The following RHOBTB1 variants were observed in gnomAD, a reference collection of about 807,000 sequenced individuals.
RHOBTB1 encodes the protein Rho related BTB domain containing 1.
RHOBTB1 carries 40 observed loss-of-function variants against 71.6 expected under a neutral mutation model. That is an observed-to-expected ratio of 0.56 (90% CI 0.43 to 0.73). RHOBTB1 has a LOEUF of 0.73. Among genes scored for constraint, RHOBTB1 ranks in the 30% least tolerant of loss-of-function variants. The pLI is 0.00. For synonymous variants in RHOBTB1, 319 were observed against 334.9 expected (o/e 0.95, Z 0.52); for missense variants, 797 against 894.0 (o/e 0.89, Z 1.38).
chr10:60,998,474 T>C lies in RHOBTB1; in HGVS notation c.-163+2925A>G, dbSNP rs537396838. On this transcript the variant is annotated intron_variant, in intron 1 of 11. Coordinates refer to the RHOBTB1 transcript ENST00000357917. ...AAACAACAGTCATATTAAACAAATA[T>C]AAATAAGAGACTTCGGTTTGTAATC... is the stretch of plus-strand genomic sequence containing the variant. Among the ~76,000 whole-genome samples, 24 of 152,192 alleles carry C rather than the reference T, an allele frequency of 1.6e-4. No homozygotes were observed. In the South Asian group the frequency reaches 3.1e-3, roughly 20 times the overall value.
intron 4 of RHOBTB1, among the ~76,000 whole-genome samples, chr10:60,903,718 G>A (rs2082524983): frequency 6.6e-6 from 1 of 152,046 alleles, no homozygotes; most frequent in Non-Finnish European, 1.5e-5. Flanking sequence ...GAGGCAGGGG[G>A]GGTTCTATCT....
chr10:60,906,156 T>C (rs1247667564), intron 4 of RHOBTB1, among the ~76,000 whole-genome samples: 1 of 152,212 alleles, frequency 6.6e-6, no homozygotes, highest in East Asian at 1.9e-4. Flanking sequence ...CAGAAATTGC[T>C]GGGGATAAGG....
At chr10:60,946,191 AC>A (rs1414233654), upstream of RHOBTB1, among the ~76,000 whole-genome samples, 1 of 147,566 alleles carries the variant, frequency 6.8e-6, no homozygotes, top group Non-Finnish European at 1.5e-5. Flanking sequence ...AAAAAAAAAA[AC>A]AAAAAACTGA....
chr10:60,994,663 T>A (rs142654923), intron 1 of RHOBTB1, among the ~76,000 whole-genome samples: 3 of 152,134 alleles, frequency 2.0e-5, no homozygotes, highest in African/African-American at 7.2e-5. Flanking sequence ...ATACATTAAA[T>A]TCATTCAATA....
chr10:60,874,925 T>TA (rs1554827877), intron 9 of RHOBTB1, 29 bp downstream of exon 9: 5 of 1,477,992 alleles, frequency 3.4e-6, no homozygotes, highest in Middle Eastern at 1.7e-4. Flanking sequence ...TGAACACACT[T>TA]AAAAGGTAAA....
chr10:60,909,120 T>C (rs545360661), intron 4 of RHOBTB1, among the ~76,000 whole-genome samples: 109 of 152,330 alleles, frequency 7.2e-4, no homozygotes, highest in African/African-American at 2.5e-3. Flanking sequence ...TATTGTAAAA[T>C]GACTCCAGCT....
At chr10:60,976,038 C>T (rs1412880913) in intron 2 of RHOBTB1, among the ~76,000 whole-genome samples, 2 of 151,912 alleles carry the variant, frequency 1.3e-5, no homozygotes, top group Non-Finnish European at 2.9e-5. Context: ...TAGGTAAGGA[C>T]AAGAAATTCT....
At chr10:60,971,747 G>A (rs1303046845) in intron 2 of RHOBTB1, among the ~76,000 whole-genome samples, 11 of 152,146 alleles carry the variant, frequency 7.2e-5, no homozygotes, top group Admixed American at 7.2e-4. Flanking sequence ...TATCAACAGA[G>A]TGAGCAGGCA....
At chr10:60,997,806 G>A (rs921952369) in intron 1 of RHOBTB1, among the ~76,000 whole-genome samples, 1 of 152,328 alleles carries the variant, frequency 6.6e-6, no homozygotes, top group Middle Eastern at 3.4e-3. Flanking sequence ...CTCAGGATTG[G>A]TCTGGGCAAC....
upstream of RHOBTB1, among the ~76,000 whole-genome samples, chr10:60,944,650 C>T (rs2085138373): frequency 6.6e-6 from 1 of 152,206 alleles, no homozygotes; most frequent in South Asian, 2.1e-4. Flanking sequence ...GGCCACTAAC[C>T]GGCTGGGCAG....
At chr10:60,866,067 AGTGATATGACT>A (rs1387256685), downstream of RHOBTB1, among the ~76,000 whole-genome samples, 1 of 152,166 alleles carries the variant, frequency 6.6e-6, no homozygotes, top group East Asian at 1.9e-4. Flanking sequence ...CCTGACCTCA[AGTGATATGACT>A]GCCTTGGTCT....
chr10:60,871,740 C>T (rs2132157607), intron 10 of RHOBTB1, 89 bp from the exon 11 acceptor site: 2 of 1,279,122 alleles, frequency 1.6e-6, no homozygotes, highest in Non-Finnish European at 2.2e-6. Context: ...TCTCAAATAT[C>T]CTCTCAAAAA....
downstream of RHOBTB1, among the ~76,000 whole-genome samples, chr10:60,866,231 G>A (rs2080635026): frequency 6.6e-6 from 1 of 152,192 alleles, no homozygotes; most frequent in Admixed American, 6.5e-5. Flanking sequence ...CCGGTGGAAT[G>A]GAGGAACCAC....
Position 60,911,343 on chromosome 10 carries a change from C to T in RHOBTB1, c.192+8G>A, listed in dbSNP as rs2082959698. ...CTAGGGATGCTGAAGACACTCTGTG[C>T]ATCTTACCTCCTGGCACACGCGGTA... On this transcript the variant is annotated splice_region_variant and intron_variant, in intron 3 of 10. Transcript: ENST00000337910. 1 of 1,602,402 alleles carries T rather than the reference C, an allele frequency of 6.2e-7. No individual in the cohort carries two copies. The highest frequency in any genetic ancestry group is 1.7e-5 in the Admixed American group (1 of 59,766).
At chr10:60,991,844 C>T (rs2086882719) in intron 1 of RHOBTB1, among the ~76,000 whole-genome samples, 1 of 152,140 alleles carries the variant, frequency 6.6e-6, no homozygotes, top group Middle Eastern at 3.2e-3. Flanking sequence ...ATTTGGATCT[C>T]ATTTTACAGA....
At chr10:60,933,786 TA>T (rs1006506287) in intron 2 of RHOBTB1, among the ~76,000 whole-genome samples, 143 of 151,492 alleles carry the variant, frequency 9.4e-4, no homozygotes, top group African/African-American at 2.8e-3. Flanking sequence ...GGAGATGGAT[TA>T]AAAAAAAACT....
Position 60,885,140 on chromosome 10 carries a change from T to G in RHOBTB1, c.1575+972A>C, listed in dbSNP as rs10994560. Among the ~76,000 whole-genome samples the G allele has an allele frequency of 6.5e-3, 987 of 152,306 alleles. 9 individuals carry two copies. The highest frequency in any genetic ancestry group is 0.023 in the African/African-American group (939 of 41,572). The stretch of plus-strand genomic sequence containing the variant: ...ATGGTGACTATGGTGGACAATAATG[T>G]ATCGTATATTTCAAAATAGCTAAAA... On this transcript the variant is annotated intron_variant, in intron 7 of 10. Coordinates refer to ENST00000337910, the MANE Select transcript of RHOBTB1 (RefSeq NM_014836.5).
intron 4 of RHOBTB1, among the ~76,000 whole-genome samples, chr10:60,894,401 T>C (rs2082064859): frequency 6.6e-6 from 1 of 152,094 alleles, no homozygotes; most frequent in South Asian, 2.1e-4. Flanking sequence ...TGAATAAAGA[T>C]ATCAAGATTT....
intron 2 of RHOBTB1, among the ~76,000 whole-genome samples, chr10:60,920,977 G>C (rs1049340947): frequency 6.9e-6 from 1 of 144,662 alleles, no homozygotes; most frequent in Admixed American, 7.1e-5. Context: ...TTATGAGACA[G>C]TGTCTCGCCT....
Sources: gnomAD v4.1 joint callset for allele counts (sites outside exome capture counted in the v4.1 genomes callset) on GRCh38, gnomAD v4.1.1 for gene constraint, MANE v1.5 for transcripts, NCBI Gene and HGNC (gene_info 2026-07-23, HGNC 2026-07-21) for gene names.